Variants in RFESD observed in about 807,000 individuals in gnomAD.
The protein encoded by RFESD is Rieske Fe-S domain containing.
A neutral mutation model predicts 24.4 loss-of-function variants in RFESD; 16 were observed. The observed-to-expected ratio is 0.66, with a 90% CI of 0.44 to 1.00. The LOEUF (loss-of-function observed/expected upper bound fraction) is 1.00. RFESD is among the 50% of genes least tolerant of loss of function. The pLI, the probability that RFESD is intolerant of heterozygous loss-of-function variation, is 0.00. For missense variants in RFESD, 208 were observed against 247.0 expected, an observed-to-expected ratio of 0.84 and a Z score of 1.06; for synonymous variants, 59 against 81.8, an observed-to-expected ratio of 0.72 and a Z score of 1.50.
rs1467406753 is a variant in RFESD, at chr5:95,654,334, C to T, written c.336C>T (p.His112=). The stretch of plus-strand genomic sequence containing the variant: ...AGGTAATATTCAATTCCTTTTCAGA[C>T]TCAGGAGGACCTTTACATTTGGGAG... ...EYHAMDIRCY[H]SGGPLHLGDI... is the part of the protein sequence containing the mutation. Residue 112 remains histidine, a splice_region_variant and synonymous_variant, in exon 5 of 6, where the codon CAC becomes CAT. Transcript: ENST00000380005. The T allele has an allele frequency of 1.2e-6, 2 of 1,608,918 alleles. No homozygotes were observed. The highest frequency in any genetic ancestry group is 8.5e-7 in the Non-Finnish European group (1 of 1,176,758).
Position 95,652,142 on chromosome 5 carries a change from C to T in RFESD, c.-130C>T. On this transcript the variant is annotated 5_prime_UTR_variant, in exon 2 of 6. Coordinates refer to ENST00000380005, the MANE Select transcript of RFESD (RefSeq NM_001131066.2). ...GCCTGCCTTTTTTTTTCCAGGTTAC[C>T]ACCTATTTGCAATTCAAGGAGAATA... is the stretch of plus-strand genomic sequence containing the variant. 2.5e-6 allele frequency: 3 copies of T among 1,209,746 alleles called. No individual in the cohort carries two copies. The highest frequency in any genetic ancestry group is 6.0e-5 in the Admixed American group (2 of 33,434). The allele number at this position is 1,209,746 out of a possible 1,614,324, so 74.9% of individuals were successfully genotyped here. A position where few individuals can be genotyped will look rare whatever the true frequency, so the allele number is the denominator to read the frequency against.
intron 1 of RFESD, among the ~76,000 whole-genome samples, chr5:95,651,418 A>T (rs1750331674): frequency 6.6e-6 from 1 of 152,152 alleles, no homozygotes; most frequent in Admixed American, 6.5e-5. Context: ...TTTTAGAGAC[A>T]GGGTCTCACT....
At chr5:95,653,775 G>A (rs568683017) in intron 3 of RFESD, among the ~76,000 whole-genome samples, 2 of 152,254 alleles carry the variant, frequency 1.3e-5, no homozygotes, top group African/African-American at 4.8e-5. Flanking sequence ...GTGGGCTCCT[G>A]TAATCGCAGC....
chr5:95,649,907 T>C (rs1750239257), intron 1 of RFESD, among the ~76,000 whole-genome samples: 1 of 152,246 alleles, frequency 6.6e-6, no homozygotes. Flanking sequence ...TTTCCCCTTA[T>C]TTCAGTTCAT....
chr5:95,655,345 A>G (rs1338049598), intron 5 of RFESD: 1 of 152,190 alleles, frequency 6.6e-6, no homozygotes, highest in Non-Finnish European at 1.5e-5. Context: ...GTGAGCTGAT[A>G]ATAGTTCCAT....
rs534418622 is a variant in RFESD, at chr5:95,652,132, T to C, written c.-135-5T>C. ...TGGCCTCATTGCCTGCCTTTTTTTT[T>C]CCAGGTTACCACCTATTTGCAATTC... On this transcript the variant is annotated splice_polypyrimidine_tract_variant and splice_region_variant and intron_variant, in intron 1 of 5. Coordinates refer to ENST00000380005, the MANE Select transcript of RFESD (RefSeq NM_001131066.2). 6.3e-5 allele frequency: 72 copies of C among 1,148,020 alleles called. No individual in the cohort carries two copies. In the Middle Eastern group the frequency reaches 9.2e-4, roughly 15 times the overall value. 71.1% of individuals were successfully genotyped at this position (1,148,020 alleles called of 1,614,324 possible). A position where few individuals can be genotyped will look rare whatever the true frequency, so the allele number is the denominator to read the frequency against.
Position 95,652,195 on chromosome 5 carries a change from A to G in RFESD, c.-77A>G. On this transcript the variant is annotated 5_prime_UTR_variant, in exon 2 of 6. Coordinates refer to ENST00000380005, the MANE Select transcript of RFESD (RefSeq NM_001131066.2). ...AGACAGAGAAGAAAGCTGTGAATGAATTTCATTTGATTAGCAATAGATTGG... is the reference window on the plus strand; with the variant it reads ...AGACAGAGAAGAAAGCTGTGAATGAGTTTCATTTGATTAGCAATAGATTGG... The G allele has an allele frequency of 1.4e-6, 2 of 1,480,786 alleles. No homozygotes were observed. Among genetic ancestry groups the G allele is most frequent in the Non-Finnish European group, 1.8e-6 (2 of 1,102,998 alleles). 91.7% of individuals were successfully genotyped at this position (1,480,786 alleles called of 1,614,324 possible).
intron 1 of RFESD, among the ~76,000 whole-genome samples, chr5:95,650,595 G>A (rs1396701966): frequency 1.3e-5 from 2 of 152,108 alleles, no homozygotes; most frequent in Non-Finnish European, 2.9e-5. Flanking sequence ...AATGAACCAT[G>A]CTCTTTTTCT....
intron 5 of RFESD, among the ~76,000 whole-genome samples, chr5:95,654,926 T>G (rs1373068338): frequency 6.6e-6 from 1 of 152,090 alleles, no homozygotes; most frequent in African/African-American, 2.4e-5. Flanking sequence ...ATATACAGTA[T>G]AAATATATTT....
At position 95,657,139 on chromosome 5, in the gene RFESD, C is replaced by A. The variant is rs958768241; in HGVS notation, c.*830C>A. On this transcript the variant is annotated 3_prime_UTR_variant, in exon 6 of 6. Coordinates refer to ENST00000380005, the MANE Select transcript of RFESD (RefSeq NM_001131066.2). The stretch of plus-strand genomic sequence containing the variant: ...ATTTTCAAATAAAGATTTTTAAAAA[C>A]GTTTTAGAACTTTGTGAATGTAGGC... The A allele has an allele frequency of 6.6e-6, 1 of 152,048 alleles. No homozygotes were observed. Among genetic ancestry groups the A allele is most frequent in the Admixed American group, 6.6e-5 (1 of 15,248 alleles). The allele number at this position is 152,048 out of a possible 1,614,324, so 9.4% of individuals were successfully genotyped here.
At chr5:95,648,245 C>T (rs1750183073) in intron 1 of RFESD, among the ~76,000 whole-genome samples, 1 of 152,062 alleles carries the variant, frequency 6.6e-6, no homozygotes, top group East Asian at 1.9e-4. Context: ...GAGTTAGCAC[C>T]TTTAGAAACC....
In RFESD at chr5:95,653,240, A is replaced by G. The variant is rs532387642; in HGVS notation, c.158+26A>G. On this transcript the variant is annotated intron_variant, in intron 3 of 5. Transcript: ENST00000380005. Reference sequence around the variant, plus strand: ...GTAAGAAAATGAAAGGTTTTCATTCATACCCACCTTCTCTTGCTGTAATAG... The same window carrying G: ...GTAAGAAAATGAAAGGTTTTCATTCGTACCCACCTTCTCTTGCTGTAATAG... 5.8e-6 allele frequency: 9 copies of G among 1,551,362 alleles called. No homozygotes were observed. The East Asian group carries it at 1.2e-4, about 21-fold the overall frequency.
intron 1 of RFESD, chr5:95,647,156 G>T (rs1336257209): frequency 6.6e-6 from 1 of 152,228 alleles, no homozygotes; most frequent in Non-Finnish European, 1.5e-5. Context: ...CGCAGCCCCG[G>T]CCGTCCTGGA....
At chr5:95,650,438 A>G (rs1750263068) in intron 1 of RFESD, among the ~76,000 whole-genome samples, 1 of 152,208 alleles carries the variant, frequency 6.6e-6, no homozygotes, top group Admixed American at 6.5e-5. Flanking sequence ...CAGCCTTACA[A>G]TGATATCTGA....
chr5:95,652,089 C>G (rs1414023407), intron 1 of RFESD, 48 bp from the exon 2 acceptor site: 7 of 622,474 alleles, frequency 1.1e-5, no homozygotes, highest in Non-Finnish European at 1.3e-5. Context: ...ACAGACGTGA[C>G]CAGCATTGGA....
Position 95,656,882 on chromosome 5 carries a change from C to T in RFESD, c.*573C>T, listed in dbSNP as rs1418477374. 2 of 152,058 alleles carry T rather than the reference C, an allele frequency of 1.3e-5. No homozygotes were observed. Among genetic ancestry groups the T allele is most frequent in the Admixed American group, 1.3e-4 (2 of 15,246 alleles). The allele number at this position is 152,058 out of a possible 1,614,324, so 9.4% of individuals were successfully genotyped here. Reference sequence around the variant, plus strand: ...AGTTTAAATACATTGAAATGTTCACCTCTGAACTGTGCAACCTTCCTAAAT... The same window carrying T: ...AGTTTAAATACATTGAAATGTTCACTTCTGAACTGTGCAACCTTCCTAAAT... On this transcript the variant is annotated 3_prime_UTR_variant, in exon 6 of 6. Transcript: ENST00000380005.
chr5:95,648,892 CTTTTTTTTTTTTT>C (rs35016122), intron 1 of RFESD, among the ~76,000 whole-genome samples: 5 of 72,426 alleles, frequency 6.9e-5, no homozygotes, highest in African/African-American at 2.6e-4. Flanking sequence ...GATAGTAGTG[CTTTTTTTTTTTTT>C]TTTTTTTTTG....
chr5:95,651,224 T>C lies in RFESD; in HGVS notation c.-135-913T>C, dbSNP rs1225771429. Among the ~76,000 whole-genome samples, 24 of 152,196 alleles carry C rather than the reference T, an allele frequency of 1.6e-4. 1 individual carries two copies. The highest frequency in any genetic ancestry group is 1.6e-3 in the Admixed American group (24 of 15,286). On this transcript the variant is annotated intron_variant, in intron 1 of 5. Transcript: ENST00000380005. ...AAGGAAAGGTACATTATCATGTTGCTTAACTCCTGTGAAATGCTACAGTAT... is the reference window on the plus strand; with the variant it reads ...AAGGAAAGGTACATTATCATGTTGCCTAACTCCTGTGAAATGCTACAGTAT...
intron 1 of RFESD, among the ~76,000 whole-genome samples, chr5:95,648,519 G>T (rs1332876541): frequency 3.3e-5 from 5 of 152,142 alleles, no homozygotes; most frequent in African/African-American, 1.2e-4. Context: ...ATTCACAATA[G>T]TAAGAATAAT....
Sources: gnomAD v4.1 joint callset for allele counts (sites outside exome capture counted in the v4.1 genomes callset) on GRCh38, gnomAD v4.1.1 for gene constraint, MANE v1.5 for transcripts, NCBI Gene and HGNC (gene_info 2026-07-23, HGNC 2026-07-21) for gene names.